Variants in FGGY observed in about 807,000 individuals in gnomAD.
FGGY encodes the protein FGGY carbohydrate kinase domain containing.
A neutral mutation model predicts 71.3 loss-of-function variants in FGGY; 72 were observed. The ratio of observed to expected loss-of-function variants is 1.01; its 90% CI spans 0.84 to 1.23. FGGY has a LOEUF of 1.23. Among genes scored for constraint, FGGY ranks in the 50% most tolerant of loss-of-function variants. The probability of loss-of-function intolerance (pLI) is 0.00; values close to 1 mark genes in which losing one functional copy is unlikely to be tolerated. For missense variants in FGGY, 668 were observed against 682.3 expected (o/e 0.98, Z 0.23); for synonymous variants, 251 against 250.3 (o/e 1.00, Z -0.02).
intron 8 of FGGY, among the ~76,000 whole-genome samples, chr1:59,589,757 A>G (rs1292183465): frequency 6.6e-6 from 1 of 152,224 alleles, no homozygotes; most frequent in South Asian, 2.1e-4. Context: ...AAGACACAAC[A>G]TACCAGAATC....
intron 14 of FGGY, among the ~76,000 whole-genome samples, chr1:59,751,889 G>A (rs942778281): frequency 6.6e-6 from 1 of 152,124 alleles, no homozygotes; most frequent in African/African-American, 2.4e-5. Context: ...TTTTGTGAGG[G>A]TTAGTTTAAA....
rs535923612 is a variant in FGGY at position 59,740,996 on chromosome 1, A to T, written c.1513-16935A>T. 3.9e-5 allele frequency among the ~76,000 whole-genome samples: 6 copies of T among 152,288 alleles called. No individual in the cohort carries two copies. The South Asian group carries it at 1.2e-3, about 32-fold the overall frequency. On this transcript the variant is annotated intron_variant, in intron 14 of 15. Transcript: ENST00000303721. ...TACTTGAAATGATATTTGGGGTATA[A>T]TAGGTTAAATAAAAACATATTAAAA...
chr1:59,307,618 C>T (rs1455711613), intron 1 of FGGY, among the ~76,000 whole-genome samples: 3 of 152,304 alleles, frequency 2.0e-5, no homozygotes, highest in African/African-American at 7.2e-5. Context: ...CCACATCTTG[C>T]ACAGAGTAAA....
rs77026830 is a variant in FGGY, at chr1:59,620,986, T to C, written c.1012-5002T>C. On this transcript the variant is annotated intron_variant, in intron 9 of 15. Coordinates refer to ENST00000303721, the MANE Select transcript of FGGY (RefSeq NM_018291.5). The stretch of plus-strand genomic sequence containing the variant: ...ACAACAGACATTTATTTCCTTACAA[T>C]TTTGGAGGCTAAAAGTCTGTGATCA... Among the ~76,000 whole-genome samples the C allele has an allele frequency of 9.4e-3, 1,430 of 152,198 alleles. 25 individuals carry two copies. The highest frequency in any genetic ancestry group is 0.033 in the African/African-American group (1,377 of 41,538).
At chr1:59,348,820 T>A (rs1019809179) in intron 4 of FGGY, among the ~76,000 whole-genome samples, 4 of 152,192 alleles carry the variant, frequency 2.6e-5, no homozygotes, top group African/African-American at 9.7e-5. Flanking sequence ...GCTTCTGTGG[T>A]TGCTAAGAGT....
At chr1:59,697,834 TCAGAGAAG>T in intron 14 of FGGY, 1 of 597,930 alleles carries the variant, frequency 1.7e-6, no homozygotes, top group South Asian at 2.0e-5. Flanking sequence ...CTTCAGTCAA[TCAGAGAAG>T]CAATGAGAGT....
At chr1:59,510,113 C>T (rs1558168437) in intron 6 of FGGY, among the ~76,000 whole-genome samples, 1 of 151,154 alleles carries the variant, frequency 6.6e-6, no homozygotes, top group Non-Finnish European at 1.5e-5. Context: ...CCATTCAGAA[C>T]CCATTTTTAA....
intron 5 of FGGY, among the ~76,000 whole-genome samples, chr1:59,405,273 A>G (rs966465953): frequency 1.3e-5 from 2 of 152,238 alleles, no homozygotes; most frequent in Admixed American, 1.3e-4. Flanking sequence ...TTAATGGCAT[A>G]AGAAATGAAC....
At chr1:59,624,128 T>G (rs969994201) in intron 9 of FGGY, among the ~76,000 whole-genome samples, 1 of 342 alleles carries the variant, frequency 2.9e-3, no homozygotes, top group African/African-American at 7.4e-3. Flanking sequence ...CTGCATGAGT[T>G]TTTTTTTTTC....
chr1:59,592,091 A>T (rs2096453245), intron 8 of FGGY, among the ~76,000 whole-genome samples: 1 of 152,232 alleles, frequency 6.6e-6, no homozygotes, highest in African/African-American at 2.4e-5. Flanking sequence ...ACAAATTTAC[A>T]AGAAAAAGCA....
At chr1:59,605,407 G>T (rs1051807183) in intron 8 of FGGY, among the ~76,000 whole-genome samples, 2 of 152,058 alleles carry the variant, frequency 1.3e-5, no homozygotes, top group African/African-American at 2.4e-5. Flanking sequence ...TCTCAAGATC[G>T]GATGCTCTTT....
chr1:59,384,799 G>A (rs951443517), intron 5 of FGGY, among the ~76,000 whole-genome samples: 5 of 151,694 alleles, frequency 3.3e-5, no homozygotes, highest in Non-Finnish European at 4.4e-5. Flanking sequence ...ACACAATAAA[G>A]GGTTCTTTTA....
In FGGY at chr1:59,459,485, T is replaced by A. The variant is rs191166240; in HGVS notation, c.670+2409T>A. On this transcript the variant is annotated intron_variant, in intron 6 of 15. Transcript: ENST00000303721. ...AGAAATTTCTTTACAGTTGAAACTG[T>A]ACAAGTTGACTTAATGTTCAGAATT... Among the ~76,000 whole-genome samples the A allele has an allele frequency of 3.9e-5, 6 of 152,336 alleles. No homozygotes were observed. In the East Asian group the frequency reaches 1.2e-3, roughly 29 times the overall value.
At chr1:59,753,258 A>T (rs2098261087) in intron 14 of FGGY, among the ~76,000 whole-genome samples, 1 of 151,750 alleles carries the variant, frequency 6.6e-6, no homozygotes, top group African/African-American at 2.4e-5. Flanking sequence ...GTAATTTCAG[A>T]TTTCCTGCAG....
chr1:59,751,943 C>T (rs1157898498), intron 14 of FGGY, among the ~76,000 whole-genome samples: 3 of 152,186 alleles, frequency 2.0e-5, no homozygotes, highest in Non-Finnish European at 4.4e-5. Context: ...ATGCAAACGA[C>T]AACATGTAGC....
In FGGY at chr1:59,757,910, ATGT is replaced by A. The variant is rs1428660935; in HGVS notation, c.1513-16_1513-14del. ...ATTTCGCTTTCCAACTCAGCTGTCT[ATGT>A]TGTTTTCCATTTAATAGGAAGCAAT... is the stretch of plus-strand genomic sequence containing the variant. On this transcript the variant is annotated intron_variant, in intron 14 of 15. Transcript: ENST00000303721. 6 of 1,601,100 alleles carry A rather than the reference ATGT, an allele frequency of 3.7e-6. No individual in the cohort carries two copies. In the African/African-American group the frequency reaches 8.0e-5, roughly 21 times the overall value.
chr1:59,312,661 A>AT (rs914256494), intron 1 of FGGY, among the ~76,000 whole-genome samples: 1 of 152,078 alleles, frequency 6.6e-6, no homozygotes, highest in African/African-American at 2.4e-5. Flanking sequence ...GATGAGTCAG[A>AT]TTTTTTCATC....
chr1:59,400,544 TG>T (rs1186751070), intron 5 of FGGY, among the ~76,000 whole-genome samples: 22 of 149,278 alleles, frequency 1.5e-4, no homozygotes, highest in African/African-American at 2.6e-4. Context: ...AATTCTGTTT[TG>T]TTTTTTTTTT....
intron 11 of FGGY, chr1:59,641,195 C>A: frequency 9.5e-7 from 1 of 1,053,380 alleles, no homozygotes; most frequent in South Asian, 1.4e-5. Flanking sequence ...ATTTTGGCTC[C>A]TTGTATCATT....
Sources: allele counts gnomAD v4.1 joint callset (sites outside exome capture counted in the v4.1 genomes callset), GRCh38; gene constraint gnomAD v4.1.1; transcripts MANE v1.5; gene names NCBI Gene and HGNC (gene_info 2026-07-23, HGNC 2026-07-21).